RAD51: variants seen among roughly 807,000 people sequenced by gnomAD.
The protein encoded by RAD51 is DNA repair protein RAD51 homolog 1.
Under a neutral mutation model 41.5 loss-of-function variants are expected in RAD51, and 14 were observed. The ratio of observed to expected loss-of-function variants is 0.34; its 90% CI spans 0.22 to 0.53. The LOEUF (loss-of-function observed/expected upper bound fraction) is 0.53. Ranked by LOEUF, RAD51 falls within the 20% of genes least tolerant of loss-of-function variation. RAD51 has a pLI of 0.95. For synonymous variants in RAD51, 136 were observed against 148.6 expected (o/e 0.92, Z 0.62); for missense variants, 234 against 422.0 (o/e 0.55, Z 3.90).
chr15:40,701,225 G>T, intron 3 of RAD51, 24 bp downstream of exon 3: 1 of 1,613,004 alleles, frequency 6.2e-7, no homozygotes, highest in Non-Finnish European at 8.5e-7. Context: ...ACTTAACCTA[G>T]GGAGGCATTA....
At chr15:40,727,116 A>C (rs545069486) in intron 6 of RAD51, among the ~76,000 whole-genome samples, 1 of 150,812 alleles carries the variant, frequency 6.6e-6, no homozygotes, top group Non-Finnish European at 1.5e-5. Flanking sequence ...TTCTTTTTTA[A>C]TTTTTAATTT....
chr15:40,707,509 G>A (rs896361095), intron 4 of RAD51, among the ~76,000 whole-genome samples: 1 of 151,546 alleles, frequency 6.6e-6, no homozygotes, highest in African/African-American at 2.4e-5. Context: ...GTTTCACCAC[G>A]TTGGCTAGGT....
At chr15:40,730,016 T>C (rs1896788426) in intron 9 of RAD51, 42 bp downstream of exon 9, 13 of 1,607,072 alleles carry the variant, frequency 8.1e-6, no homozygotes, top group Non-Finnish European at 1.1e-5. Context: ...CGGAATGTCA[T>C]ATTAACTGTG....
At chr15:40,721,505 A>T (rs935072362) in intron 6 of RAD51, among the ~76,000 whole-genome samples, 44 of 152,186 alleles carry the variant, frequency 2.9e-4, no homozygotes, top group African/African-American at 1.0e-3. Context: ...CAATTTTTTT[A>T]AAATTTAAAA....
chr15:40,706,355 A>T (rs1261576087), intron 4 of RAD51, 61 bp downstream of exon 4: 11 of 1,300,176 alleles, frequency 8.5e-6, no homozygotes, highest in African/African-American at 1.5e-5. Flanking sequence ...AGGTTATAAA[A>T]CAAAACTGAA....
In RAD51 at chr15:40,701,433, G is replaced by C. The variant is rs201838885; in HGVS notation, c.225+232G>C. ...TCTGTCACACAGGGTGGAGTGCAGTGGTGCCATCTCAGCTCACTGCAACCT... is the reference window on the plus strand; with the variant it reads ...TCTGTCACACAGGGTGGAGTGCAGTCGTGCCATCTCAGCTCACTGCAACCT... On this transcript the variant is annotated intron_variant, in intron 3 of 9. Coordinates refer to ENST00000267868, the MANE Select transcript of RAD51 (RefSeq NM_002875.5). Among the ~76,000 whole-genome samples, 29 of 144,160 alleles carry C rather than the reference G, an allele frequency of 2.0e-4. No individual in the cohort carries two copies. In the East Asian group the frequency reaches 5.9e-3, roughly 29 times the overall value. 94.6% of individuals were successfully genotyped at this position (144,160 alleles called of 152,430 possible).
At chr15:40,717,262 C>T (rs1441425247) in intron 5 of RAD51, among the ~76,000 whole-genome samples, 3 of 151,954 alleles carry the variant, frequency 2.0e-5, no homozygotes, top group Admixed American at 6.6e-5. Context: ...CCCTTGAACC[C>T]GGGAGGCAGA....
At chr15:40,717,486 T>C (rs1896048243) in intron 5 of RAD51, among the ~76,000 whole-genome samples, 2 of 152,218 alleles carry the variant, frequency 1.3e-5, no homozygotes, top group Non-Finnish European at 1.5e-5. Flanking sequence ...CACTTAAACT[T>C]TGTAGAAAAA....
chr15:40,709,195 G>C (rs921162518), intron 5 of RAD51, 79 bp downstream of exon 5: 3 of 1,227,856 alleles, frequency 2.4e-6, no homozygotes, highest in Admixed American at 1.7e-5. Flanking sequence ...TGTTAGGATG[G>C]CCATAAAAGG....
intron 9 of RAD51, among the ~76,000 whole-genome samples, chr15:40,730,488 GAGC>G (rs1388558128): frequency 2.2e-5 from 3 of 138,870 alleles, no homozygotes; most frequent in Non-Finnish European, 4.7e-5. Flanking sequence ...CCTGGCAAAA[GAGC>G]AGGACACTGT....
chr15:40,724,670 A>ATTTTTTTTTTT (rs757564729), intron 6 of RAD51, among the ~76,000 whole-genome samples: 1 of 72,024 alleles, frequency 1.4e-5, no homozygotes, highest in Admixed American at 1.6e-4. Flanking sequence ...TAATTTTTTT[A>ATTTTTTTTTTT]TTTCTTTTTT....
intron 6 of RAD51, among the ~76,000 whole-genome samples, chr15:40,721,251 C>CT (rs550753993): frequency 3.0e-4 from 45 of 152,124 alleles, no homozygotes; most frequent in Admixed American, 2.5e-3. Flanking sequence ...TTCCAGCAAG[C>CT]TTTTTTTGCA....
intron 5 of RAD51, among the ~76,000 whole-genome samples, chr15:40,712,036 C>T (rs1236495536): frequency 1.3e-5 from 2 of 150,006 alleles, no homozygotes; most frequent in African/African-American, 2.5e-5. Flanking sequence ...TGTACCACTG[C>T]TCTCCAGCCT....
chr15:40,704,882 CT>C (rs1895238508), intron 3 of RAD51, among the ~76,000 whole-genome samples: 1 of 152,014 alleles, frequency 6.6e-6, no homozygotes, highest in Non-Finnish European at 1.5e-5. Context: ...GTTGGTCAGG[CT>C]GGTCTTGAAC....
intron 4 of RAD51, among the ~76,000 whole-genome samples, chr15:40,706,555 G>T (rs559313880): frequency 6.6e-6 from 1 of 152,240 alleles, no homozygotes; most frequent in Non-Finnish European, 1.5e-5. Flanking sequence ...TGGGCATGGT[G>T]GCACATGCCT....
At chr15:40,706,778 A>G (rs910095274) in intron 4 of RAD51, among the ~76,000 whole-genome samples, 3 of 152,212 alleles carry the variant, frequency 2.0e-5, no homozygotes, top group African/African-American at 7.2e-5. Flanking sequence ...TTTATAAAAT[A>G]CTAAACTTAT....
At chr15:40,714,478 A>G (rs911197545) in intron 5 of RAD51, among the ~76,000 whole-genome samples, 2 of 152,238 alleles carry the variant, frequency 1.3e-5, no homozygotes, top group Non-Finnish European at 2.9e-5. Context: ...AAGTTGTACA[A>G]ATAGAATCCT....
intron 8 of RAD51, 31 bp downstream of exon 8, chr15:40,729,665 T>C: frequency 6.2e-7 from 1 of 1,613,182 alleles, no homozygotes; most frequent in Non-Finnish European, 8.5e-7. Flanking sequence ...AGAGAATGCC[T>C]ACTTTCAGTG....
intron 6 of RAD51, 121 bp downstream of exon 6, chr15:40,719,020 G>A: frequency 7.9e-6 from 7 of 886,784 alleles, no homozygotes; most frequent in East Asian, 2.6e-5. Flanking sequence ...TGTATGTGTG[G>A]TTCAAAAGAA....
Sources: allele counts gnomAD v4.1 joint callset (sites outside exome capture counted in the v4.1 genomes callset), GRCh38; gene constraint gnomAD v4.1.1; transcripts MANE v1.5; gene names NCBI Gene and HGNC (gene_info 2026-07-23, HGNC 2026-07-21).